WDR7: variants seen among roughly 807,000 people sequenced by gnomAD.
The protein encoded by WDR7 is WD repeat-containing protein 7.
WDR7 carries 46 observed loss-of-function variants against 169.4 expected under a neutral mutation model. That is an observed-to-expected ratio of 0.27 (90% confidence interval 0.21 to 0.35). WDR7 has a LOEUF of 0.35. Ranked by LOEUF, WDR7 falls within the 10% of genes least tolerant of loss-of-function variation. The pLI, the probability that WDR7 is intolerant of heterozygous loss-of-function variation, is 1.00. For synonymous variants in WDR7, 612 were observed against 666.8 expected (o/e 0.92, Z 1.27); for missense variants, 1,534 against 1,859.3 (o/e 0.83, Z 3.22).
intron 19 of WDR7, among the ~76,000 whole-genome samples, chr18:56,811,812 T>C (rs1173975800): frequency 6.6e-6 from 1 of 152,188 alleles, no homozygotes; most frequent in Non-Finnish European, 1.5e-5. Context: ...GTTTCTTGGT[T>C]CTCTATTCTG....
chr18:56,813,807 C>T (rs1184763193), intron 19 of WDR7, among the ~76,000 whole-genome samples: 1 of 152,020 alleles, frequency 6.6e-6, no homozygotes, highest in African/African-American at 2.4e-5. Flanking sequence ...ATCAAAGAAC[C>T]AGTTTTAGCA....
intron 2 of WDR7, among the ~76,000 whole-genome samples, chr18:56,678,809 G>A (rs1279868457): frequency 6.6e-6 from 1 of 152,106 alleles, no homozygotes; most frequent in African/African-American, 2.4e-5. Flanking sequence ...TGTGGTTCTT[G>A]CAGACTCGTA....
chr18:56,986,863 G>T (rs9965161), intron 26 of WDR7, among the ~76,000 whole-genome samples: 2 of 151,838 alleles, frequency 1.3e-5, no homozygotes, highest in Non-Finnish European at 2.9e-5. Context: ...CACAGGATGA[G>T]AGTAGATGCC....
At chr18:56,861,098 T>A (rs775282326) in intron 20 of WDR7, among the ~76,000 whole-genome samples, 9 of 148,270 alleles carry the variant, frequency 6.1e-5, no homozygotes, top group Non-Finnish European at 1.0e-4. Flanking sequence ...AATACATCAA[T>A]TACGTGAAAC....
chr18:56,680,878 GT>G (rs2025338688), intron 3 of WDR7, among the ~76,000 whole-genome samples: 1 of 152,134 alleles, frequency 6.6e-6, no homozygotes, highest in South Asian at 2.1e-4. Flanking sequence ...TTTATTTCTT[GT>G]TTTTGTCACT....
intron 20 of WDR7, among the ~76,000 whole-genome samples, chr18:56,852,714 A>G (rs1403425519): frequency 6.6e-6 from 1 of 152,204 alleles, no homozygotes; most frequent in Non-Finnish European, 1.5e-5. Context: ...ATGTAAAAAA[A>G]CAAGCACATA....
At chr18:56,958,937 C>G (rs1418740160) in intron 25 of WDR7, among the ~76,000 whole-genome samples, 1 of 152,046 alleles carries the variant, frequency 6.6e-6, no homozygotes. Flanking sequence ...TCATGCAAAA[C>G]ACAAAGTCCC....
intron 19 of WDR7, among the ~76,000 whole-genome samples, chr18:56,807,508 TA>T (rs951055228): frequency 2.0e-5 from 3 of 152,202 alleles, no homozygotes; most frequent in African/African-American, 7.2e-5. Flanking sequence ...AATTTTTAGA[TA>T]TTTTTGGGAA....
chr18:56,756,907 A>G lies in WDR7; in HGVS notation c.2314A>G (p.Arg772Gly). ...GGAGGATGAGGAGATAATGAGGCAGAGAAGGGAAGAAAGTGATCCTGAATA... is the reference window on the plus strand; with the variant it reads ...GGAGGATGAGGAGATAATGAGGCAGGGAAGGGAAGAAAGTGATCCTGAATA... ...EEEDEEIMRQ[R>G]REESDPEYRS... The change falls in exon 15 of 28, where the codon AGA (arginine) becomes GGA (glycine). Residue 772 changes from arginine to glycine, a missense_variant. Coordinates refer to ENST00000254442, the MANE Select transcript of WDR7 (RefSeq NM_015285.3). 1 of 1,614,144 alleles carries G rather than the reference A, an allele frequency of 6.2e-7. No individual in the cohort carries two copies. Among genetic ancestry groups the G allele is most frequent in the Non-Finnish European group, 8.5e-7 (1 of 1,180,016 alleles).
chr18:56,768,214 G>A (rs2044097693), intron 16 of WDR7, among the ~76,000 whole-genome samples: 1 of 152,120 alleles, frequency 6.6e-6, no homozygotes, highest in Non-Finnish European at 1.5e-5. Flanking sequence ...GAAAAGCATT[G>A]AGTTTTGAGA....
intron 26 of WDR7, among the ~76,000 whole-genome samples, chr18:57,009,264 G>C (rs1015675285): frequency 2.0e-5 from 3 of 152,116 alleles, no homozygotes; most frequent in African/African-American, 7.2e-5. Flanking sequence ...TTTGAACAAT[G>C]CAATTGTTTT....
intron 20 of WDR7, among the ~76,000 whole-genome samples, chr18:56,821,732 C>T (rs1298793350): frequency 2.7e-5 from 4 of 150,848 alleles, no homozygotes; most frequent in African/African-American, 9.8e-5. Flanking sequence ...TAGTGGCTCA[C>T]ACCCATAATC....
chr18:56,673,203 C>T (rs1185392725), intron 2 of WDR7, among the ~76,000 whole-genome samples: 1 of 150,974 alleles, frequency 6.6e-6, no homozygotes, highest in Admixed American at 6.6e-5. Context: ...ACTGATACGT[C>T]TAATTCCAAC....
intron 21 of WDR7, among the ~76,000 whole-genome samples, chr18:56,897,516 A>AT (rs71171004): frequency 0.82 from 124,567 of 151,700 alleles, 51,554 homozygotes; most frequent in East Asian, 0.98. Flanking sequence ...CTAGGGAATG[A>AT]AACCACACAA....
intron 26 of WDR7, among the ~76,000 whole-genome samples, chr18:57,006,843 A>AT (rs1269300666): frequency 2.6e-5 from 4 of 152,150 alleles, no homozygotes; most frequent in South Asian, 4.1e-4. Context: ...AATTTGGTTA[A>AT]TTTTTTTGTG....
chr18:56,669,425 T>C (rs1016027075), intron 1 of WDR7, among the ~76,000 whole-genome samples: 3 of 152,122 alleles, frequency 2.0e-5, no homozygotes, highest in Non-Finnish European at 2.9e-5. Context: ...ATTACTGATA[T>C]TTGTTGGCTC....
At chr18:56,991,143 A>ATTTTTTTTTTTT (rs60092817) in intron 26 of WDR7, among the ~76,000 whole-genome samples, 3 of 110,734 alleles carry the variant, frequency 2.7e-5, no homozygotes, top group African/African-American at 7.4e-5. Context: ...CCTTCTCCTC[A>ATTTTTTTTTTTT]TTTTTTTTTT....
intron 26 of WDR7, among the ~76,000 whole-genome samples, chr18:56,998,040 T>G (rs1340029225): frequency 6.6e-6 from 1 of 152,210 alleles, no homozygotes; most frequent in Non-Finnish European, 1.5e-5. Context: ...GCTTTCTTTA[T>G]GTTCTGTGCA....
At chr18:56,666,955 T>A (rs2025038713) in intron 1 of WDR7, among the ~76,000 whole-genome samples, 1 of 149,608 alleles carries the variant, frequency 6.7e-6, no homozygotes, top group Admixed American at 6.8e-5. Flanking sequence ...ATATAAAAAA[T>A]AAAAGCAAAA....
Sources: allele counts gnomAD v4.1 joint callset (sites outside exome capture counted in the v4.1 genomes callset), GRCh38; gene constraint gnomAD v4.1.1; transcripts MANE v1.5; gene names NCBI Gene and HGNC (gene_info 2026-07-23, HGNC 2026-07-21).